SPTB: variants seen among roughly 807,000 people sequenced by gnomAD.
SPTB encodes the protein spectrin beta chain, erythrocytic.
In SPTB, 45 loss-of-function variants were observed where a neutral mutation model predicts 256.2. The ratio of observed to expected loss-of-function variants is 0.18; its 90% CI spans 0.14 to 0.23. The LOEUF is 0.23. SPTB is among the 10% of genes least tolerant of loss of function. The pLI is 1.00. For synonymous variants in SPTB, 1,231 were observed against 1,243.1 expected (o/e 0.99, Z 0.21); for missense variants, 2,715 against 3,040.4 (o/e 0.89, Z 2.52).
chr14:64,762,450 C>T (rs952431770), intron 32 of SPTB, among the ~76,000 whole-genome samples: 4 of 152,190 alleles, frequency 2.6e-5, no homozygotes, highest in African/African-American at 9.7e-5. Context: ...GCTCAGGTTG[C>T]CAAGGGGCAG....
intron 24 of SPTB, 104 bp from the exon 25 acceptor site, chr14:64,773,528 A>G: frequency 8.2e-7 from 1 of 1,225,486 alleles, no homozygotes; most frequent in Non-Finnish European, 1.2e-6. Context: ...TGGCAGGGAT[A>G]GGTAGGGAGT....
At chr14:64,850,291 G>C (rs2083762186) in intron 1 of SPTB, among the ~76,000 whole-genome samples, 1 of 152,216 alleles carries the variant, frequency 6.6e-6, no homozygotes, top group African/African-American at 2.4e-5. Context: ...CTCCAAAGGA[G>C]TGGTAGGATA....
chr14:64,750,952 CAT>C (rs1491213573), intron 33 of SPTB, among the ~76,000 whole-genome samples: 235 of 143,550 alleles, frequency 1.6e-3, no homozygotes, highest in African/African-American at 5.8e-3. Context: ...CTATATAATA[CAT>C]ATTTTATACA....
At chr14:64,762,242 G>A (rs1184229866) in intron 32 of SPTB, among the ~76,000 whole-genome samples, 1 of 152,212 alleles carries the variant, frequency 6.6e-6, no homozygotes, top group Non-Finnish European at 1.5e-5. Context: ...AACAAACATA[G>A]GATTTGCATT....
Position 64,778,027 on chromosome 14 carries a change from G to C in SPTB, c.4563+1130C>G, listed in dbSNP as rs909911781. Among the ~76,000 whole-genome samples, 1 of 152,146 alleles carries C rather than the reference G, an allele frequency of 6.6e-6. No homozygotes were observed. The highest frequency in any genetic ancestry group is 2.4e-5 in the African/African-American group (1 of 41,428). ...CTCATTTTACAATTAAGGAAACTGA[G>C]GTCCCAAGGATACCATGTCCTACCA... On this transcript the variant is annotated intron_variant, in intron 22 of 35. Coordinates refer to ENST00000644917, the MANE Select transcript of SPTB (RefSeq NM_001355436.2). The surrounding 1 kb of genome is among the most constrained non-coding windows in gnomAD (Gnocchi z 5.2).
Position 64,804,530 on chromosome 14 carries a change from A to C in SPTB, c.300+409T>G, listed in dbSNP as rs1328176447. 3.3e-5 allele frequency among the ~76,000 whole-genome samples: 5 copies of C among 152,180 alleles called. No individual in the cohort carries two copies. In the East Asian group the frequency reaches 9.6e-4, roughly 29 times the overall value. The stretch of plus-strand genomic sequence containing the variant: ...CAGTATTGCCGGTGGGTTACAACTG[A>C]GACAGCCTCTAATAAATTTCCACTT... On this transcript the variant is annotated intron_variant, in intron 3 of 35. Transcript: ENST00000644917.
chr14:64,752,359 G>A (rs1566732239), intron 33 of SPTB: 1 of 892,398 alleles, frequency 1.1e-6, no homozygotes, highest in East Asian at 6.4e-5. Context: ...GGCACATAGG[G>A]AGGAAGTTCT....
rs753933934 is a variant in SPTB at position 64,775,187 on chromosome 14, C to T, written c.4780G>A (p.Asp1594Asn). ...NEAQQYYLDADEAEAWIGEQE... is the reference protein window; with the variant it reads ...NEAQQYYLDANEAEAWIGEQE... ...TCGCCAATCCAGGCCTCAGCCTCGT[C>T]TGCATCCAGGTAGTACTGCTGTGCC... The change falls in exon 23 of 36, where the codon GAC becomes AAC. Residue 1594 changes from aspartate to asparagine, a missense_variant. Physicochemically the swap from Asp to Asn is conservative, Grantham distance 23. This residue lies in a region of SPTB where 2,239 missense variants were observed against 2,384.4 expected (regional missense o/e 0.94). Transcript: ENST00000644917. The surrounding 1 kb of genome is among the most constrained non-coding windows in gnomAD (Gnocchi z 5.0). 5.6e-6 allele frequency: 9 copies of T among 1,613,992 alleles called. No individual in the cohort carries two copies. The highest frequency in any genetic ancestry group is 2.2e-5 in the South Asian group (2 of 91,086).
At position 64,767,833 on chromosome 14, in the gene SPTB, C is replaced by T. The variant is rs754723993; in HGVS notation, c.6049G>A (p.Asp2017Asn). Residue 2017 changes from aspartate to asparagine, a missense_variant, in exon 30 of 36, where the codon GAT (aspartate) becomes AAT (asparagine). Around this residue, in one of 4 missense-constraint regions of SPTB, gnomAD observed 2,239 missense variants for 2,384.4 expected, o/e 0.94. Coordinates refer to ENST00000644917, the MANE Select transcript of SPTB (RefSeq NM_001355436.2). The part of the protein sequence containing the change: ...MLLEVCQFSR[D>N]ASVAEAWLIA... ...AGCCACGCCTCAGCCACAGAGGCATCCCTCGAGAACTGGCACACCTCCAGC... is the reference window on the plus strand; with the variant it reads ...AGCCACGCCTCAGCCACAGAGGCATTCCTCGAGAACTGGCACACCTCCAGC... 2 of 1,614,026 alleles carry T rather than the reference C, an allele frequency of 1.2e-6. No individual in the cohort carries two copies. The highest frequency in any genetic ancestry group is 1.7e-6 in the Non-Finnish European group (2 of 1,179,966).
Position 64,760,319 on chromosome 14 carries a change from C to G in SPTB, c.6345+6407G>C, listed in dbSNP as rs1019088471. Among the ~76,000 whole-genome samples the G allele has an allele frequency of 6.6e-6, 1 of 151,996 alleles. No homozygotes were observed. ...TGGCCAGGTGGGTAAATGTCTTCTCCGGGCCAAAGGAGGTGAAGGTGTATG... is the reference window on the plus strand; with the variant it reads ...TGGCCAGGTGGGTAAATGTCTTCTCGGGGCCAAAGGAGGTGAAGGTGTATG... On this transcript the variant is annotated intron_variant, in intron 32 of 35. Coordinates refer to ENST00000644917, the MANE Select transcript of SPTB (RefSeq NM_001355436.2). This position sits in a 1 kb window ranked among gnomAD's most constrained non-coding sequence, Gnocchi z 4.3.
In SPTB at chr14:64,794,614, G is replaced by A. The variant is rs539283144; in HGVS notation, c.1648C>T (p.His550Tyr). The change falls in exon 13 of 36, where the codon CAC becomes TAC. Residue 550 changes from histidine to tyrosine, a missense_variant. Physicochemically the swap from His to Tyr is moderately conservative, Grantham distance 83 (BLOSUM62 2). Coordinates refer to ENST00000644917, the MANE Select transcript of SPTB (RefSeq NM_001355436.2). The part of the protein sequence containing the change: ...SIDWMDEIKA[H>Y]LLSAEFGKHL... ...TTCCCAAACTCGGCAGACAAGAGGT[G>A]AGCCTGGCAAAGAGAACAGCAGAAA... 7.4e-6 allele frequency: 12 copies of A among 1,614,204 alleles called. No individual in the cohort carries two copies. In the South Asian group the frequency reaches 1.2e-4, roughly 16 times the overall value.
Position 64,749,420 on chromosome 14 carries a change from C to T in SPTB, c.6873G>A (p.Gln2291=), listed in dbSNP as rs141552085. 214 of 1,606,306 alleles carry T rather than the reference C, an allele frequency of 1.3e-4. No individual in the cohort carries two copies. The highest frequency in any genetic ancestry group is 5.0e-4 in the Middle Eastern group (3 of 6,056). Residue 2291 remains glutamine, a synonymous_variant, in exon 36 of 36, where the codon CAG becomes CAA. Coordinates refer to ENST00000644917, the MANE Select transcript of SPTB (RefSeq NM_001355436.2). This position sits in a 1 kb window ranked among gnomAD's most constrained non-coding sequence, Gnocchi z 4.7. ...GGCTCTGCGCCTTGACGCGGATGCT[C>T]TGGGACTCGTTGATGGCGGTGCTCA... ...QGVSTAINES[Q]SIRVKAQSLP... is the part of the protein sequence containing the mutation.
chr14:64,795,787 C>T lies in SPTB; in HGVS notation c.1342-148G>A, dbSNP rs760595472. The T allele has an allele frequency of 1.2e-5, 10 of 838,200 alleles. No homozygotes were observed. Among genetic ancestry groups the T allele is most frequent in the Non-Finnish European group, 1.9e-5 (10 of 525,406 alleles). The allele number at this position is 838,200 out of a possible 1,614,324, so 51.9% of individuals were successfully genotyped here. A position where few individuals can be genotyped will look rare whatever the true frequency, so the allele number is the denominator to read the frequency against. ...AGCTAGTTCTGCCTTACTTTTGCAG[C>T]CTGTCTTATCAGACCCAAGTTCCAA... On this transcript the variant is annotated intron_variant, in intron 11 of 35. Transcript: ENST00000644917. The surrounding 1 kb of genome is among the most constrained non-coding windows in gnomAD (Gnocchi z 6.5).
intron 1 of SPTB, among the ~76,000 whole-genome samples, chr14:64,856,076 G>C (rs2083868533): frequency 6.6e-6 from 1 of 152,256 alleles, no homozygotes; most frequent in Non-Finnish European, 1.5e-5. Context: ...TCAGGGGAGG[G>C]AAGAAATGGG....
At position 64,748,448 on chromosome 14, in the gene SPTB, C is replaced by T. The variant is rs1695770; in HGVS notation, c.*858G>A. 32,029 of 152,144 alleles carry T rather than the reference C, an allele frequency of 0.21. 3,878 individuals are homozygous for T. The highest frequency in any genetic ancestry group is 0.33 in the African/African-American group (13,598 of 41,430). 9.4% of individuals were successfully genotyped at this position (152,144 alleles called of 1,614,324 possible). A position where few individuals can be genotyped will look rare whatever the true frequency, so the allele number is the denominator to read the frequency against. On this transcript the variant is annotated 3_prime_UTR_variant, in exon 36 of 36. Transcript: ENST00000644917. ...GAGAGCCTTAGGCAGTGTTGTGACGCACCTGTCACTCCTTCAGATCAGAGC... is the reference window on the plus strand; with the variant it reads ...GAGAGCCTTAGGCAGTGTTGTGACGTACCTGTCACTCCTTCAGATCAGAGC...
At position 64,772,776 on chromosome 14, in the gene SPTB, A is replaced by G. The variant is rs1011120419; in HGVS notation, c.5357T>C (p.Ile1786Thr). Residue 1786 changes from isoleucine (I) to threonine (T), a missense_variant, in exon 26 of 36, where the codon ATT becomes ACT. By Grantham distance (89) the Ile-to-Thr change is moderately conservative (BLOSUM62 -1). Transcript: ENST00000644917. This position sits in a 1 kb window ranked among gnomAD's most constrained non-coding sequence, Gnocchi z 5.4. Reference sequence around the variant, plus strand: ...GGCCAGCAGCTGCATGCGCGTGTCAATGAGCTCCAGGAGGTCTGCCCACAT... The same window carrying G: ...GGCCAGCAGCTGCATGCGCGTGTCAGTGAGCTCCAGGAGGTCTGCCCACAT... ...NEMWADLLEL[I>T]DTRMQLLAAS... The G allele has an allele frequency of 9.3e-6, 15 of 1,613,986 alleles. No homozygotes were observed. Among genetic ancestry groups the G allele is most frequent in the Middle Eastern group, 1.6e-4 (1 of 6,062 alleles).
In SPTB at chr14:64,826,776, C is replaced by T. The variant is rs1181862432; in HGVS notation, c.-51-3631G>A. On this transcript the variant is annotated intron_variant, in intron 1 of 35. Coordinates refer to ENST00000644917, the MANE Select transcript of SPTB (RefSeq NM_001355436.2). This position sits in a 1 kb window ranked among gnomAD's most constrained non-coding sequence, Gnocchi z 4.4. ...TCCACCTGCCCCATCCATCCATCCA[C>T]CTGCCCGTCTAGCAGCTCTAAATGC... 6.6e-6 allele frequency among the ~76,000 whole-genome samples: 1 copy of T among 152,090 alleles called. No individual in the cohort carries two copies. The highest frequency in any genetic ancestry group is 2.4e-5 in the African/African-American group (1 of 41,412).
rs2081922230 is a variant in SPTB at position 64,750,127 on chromosome 14, G to A, written c.6630C>T (p.Leu2210=). 1 of 1,614,058 alleles carries A rather than the reference G, an allele frequency of 6.2e-7. No individual in the cohort carries two copies. Among genetic ancestry groups the A allele is most frequent in the Non-Finnish European group, 8.5e-7 (1 of 1,179,990 alleles). The change falls in exon 34 of 36, where the codon CTC becomes CTT. Residue 2210 remains leucine (L), a synonymous_variant. Transcript: ENST00000644917. ...NRSWNNLYCV[L]RNSELTFYKD... is the part of the protein sequence containing the mutation. ...TGTAGAAGGTTAGCTCACTGTTCCT[G>A]AGCACACAGTACAGGTTGTTCCAGG...
rs4902317 is a variant in SPTB, at chr14:64,803,306, A to G, written c.474+301T>C. On this transcript the variant is annotated intron_variant, in intron 4 of 35. Transcript: ENST00000644917. ...TTTCAAAAACCAAGAAGTTACATGTATAGGGGGAGGAGGCTAAAAAGCTAA... is the reference window on the plus strand; with the variant it reads ...TTTCAAAAACCAAGAAGTTACATGTGTAGGGGGAGGAGGCTAAAAAGCTAA... Among the ~76,000 whole-genome samples the G allele has an allele frequency of 0.43, 65,887 of 152,046 alleles. 15,614 individuals carry two copies. Among genetic ancestry groups the G allele is most frequent in the African/African-American group, 0.64 (26,408 of 41,478 alleles).
Sources: allele counts gnomAD v4.1 joint callset (sites outside exome capture counted in the v4.1 genomes callset), GRCh38; gene constraint gnomAD v4.1.1; regional missense constraint gnomAD v4.1.1; non-coding constraint Gnocchi (gnomAD v3.1); transcripts MANE v1.5; gene names NCBI Gene and HGNC (gene_info 2026-07-23, HGNC 2026-07-21).